The following PLEKHA6 variants were observed in gnomAD, a reference collection of about 807,000 sequenced individuals.
PLEKHA6 encodes pleckstrin homology domain containing A6.
In PLEKHA6, 60 loss-of-function variants were observed where a neutral mutation model predicts 116.7. The observed-to-expected ratio is 0.51, with a 90% CI of 0.42 to 0.64. The LOEUF is 0.64. Among genes scored for constraint, PLEKHA6 ranks in the 30% least tolerant of loss-of-function variants. PLEKHA6 has a pLI of 0.00. For synonymous variants in PLEKHA6, 489 were observed against 556.1 expected (o/e 0.88, Z 1.70); for missense variants, 1,338 against 1,422.7 (o/e 0.94, Z 0.96).
At chr1:204,349,653 G>C (rs918809840) in intron 1 of PLEKHA6, among the ~76,000 whole-genome samples, 4 of 152,118 alleles carry the variant, frequency 2.6e-5, no homozygotes, top group Non-Finnish European at 5.9e-5. Flanking sequence ...CAGAGACCCA[G>C]CTCGAGCCTT....
chr1:204,294,256 G>A (rs1467246378), intron 1 of PLEKHA6, among the ~76,000 whole-genome samples: 3 of 152,106 alleles, frequency 2.0e-5, no homozygotes, highest in Non-Finnish European at 2.9e-5. Context: ...GGGCTGGTTG[G>A]ACATTTCTTC....
chr1:204,249,179 CTCACCT>C lies in PLEKHA6; in HGVS notation c.1673_1674+4del. The C allele has an allele frequency of 6.2e-7, 1 of 1,610,628 alleles. No homozygotes were observed. Among genetic ancestry groups the C allele is most frequent in the East Asian group, 2.2e-5 (1 of 44,778 alleles). On this transcript the variant is annotated splice_donor_variant and splice_donor_region_variant and coding_sequence_variant and intron_variant, in exon 11 of 23. Transcript: ENST00000272203. LOFTEE classifies it high-confidence loss of function. ...CCCAGCTTAAAGCCACCCCCAGCTT[CTCACCT>C]TCTCAGCTCGGAGCTGCTGCACCAG...
intron 1 of PLEKHA6, among the ~76,000 whole-genome samples, chr1:204,288,538 G>A (rs954187976): frequency 6.6e-6 from 1 of 152,218 alleles, no homozygotes; most frequent in African/African-American, 2.4e-5. Context: ...GGATCTGGGG[G>A]AGGGATGATA....
intron 21 of PLEKHA6, among the ~76,000 whole-genome samples, chr1:204,227,548 T>C (rs1660528774): frequency 6.6e-6 from 1 of 152,204 alleles, no homozygotes; most frequent in Non-Finnish European, 1.5e-5. Flanking sequence ...TTCCTCATAG[T>C]TATCTTTTCT....
intron 17 of PLEKHA6, among the ~76,000 whole-genome samples, chr1:204,237,092 C>T (rs1276753187): frequency 6.6e-6 from 1 of 152,126 alleles, no homozygotes; most frequent in Non-Finnish European, 1.5e-5. Flanking sequence ...TCCAGGGGAC[C>T]CAAAACGTTA....
At position 204,228,122 on chromosome 1, in the gene PLEKHA6, G is replaced by A. The variant is rs1236184290; in HGVS notation, c.2992C>T (p.Leu998=). 1.2e-6 allele frequency: 2 copies of A among 1,612,782 alleles called. No individual in the cohort carries two copies. The highest frequency in any genetic ancestry group is 1.7e-6 in the Non-Finnish European group (2 of 1,179,310). The change falls in exon 21 of 23, where the codon CTG becomes TTG. Residue 998 remains leucine, a synonymous_variant. Transcript: ENST00000272203. The surrounding 1 kb of genome is among the most constrained non-coding windows in gnomAD (Gnocchi z 4.0). ...QEKRIEISCA[L]ATEASRRGRM... is the part of the protein sequence containing the mutation. ...CCCCTGCGGGAGGCCTCGGTCGCCA[G>A]GGCGCAGGAGATTTCAATCCGCTTC...
chr1:204,236,508 T>C (rs755783791), intron 17 of PLEKHA6, among the ~76,000 whole-genome samples: 2 of 152,186 alleles, frequency 1.3e-5, no homozygotes, highest in African/African-American at 4.8e-5. Context: ...CTTCTCTGCA[T>C]GTCAGATCTA....
intron 17 of PLEKHA6, among the ~76,000 whole-genome samples, chr1:204,231,183 A>C (rs1202981581): frequency 6.6e-6 from 1 of 152,232 alleles, no homozygotes; most frequent in African/African-American, 2.4e-5. Flanking sequence ...GTAATTGGCT[A>C]ACGGGTAGAG....
At chr1:204,338,696 C>T (rs1412362854) in intron 1 of PLEKHA6, among the ~76,000 whole-genome samples, 1 of 152,014 alleles carries the variant, frequency 6.6e-6, no homozygotes, top group Non-Finnish European at 1.5e-5. Context: ...CTGTGGGCAA[C>T]CAGGGAAGGC....
At chr1:204,319,972 AC>A (rs1671999348) in intron 1 of PLEKHA6, among the ~76,000 whole-genome samples, 1 of 152,128 alleles carries the variant, frequency 6.6e-6, no homozygotes, top group African/African-American at 2.4e-5. Context: ...TCTAATTCTA[AC>A]AGGGACGAGT....
chr1:204,265,050 G>A lies in PLEKHA6; in HGVS notation c.281-8C>T. 6.3e-7 allele frequency: 1 copy of A among 1,599,432 alleles called. No homozygotes were observed. The highest frequency in any genetic ancestry group is 1.4e-5 in the African/African-American group (1 of 73,980). On this transcript the variant is annotated splice_polypyrimidine_tract_variant and splice_region_variant and intron_variant, in intron 5 of 22. Transcript: ENST00000272203. ...TACTCTCTTCCTTCTCATCTGTCAGGGAGAGAGGCACAAGAAGGGTGTGTG... is the reference window on the plus strand; with the variant it reads ...TACTCTCTTCCTTCTCATCTGTCAGAGAGAGAGGCACAAGAAGGGTGTGTG...
intron 15 of PLEKHA6, among the ~76,000 whole-genome samples, chr1:204,244,068 A>G (rs1257826111): frequency 2.6e-5 from 4 of 151,576 alleles, no homozygotes; most frequent in South Asian, 2.1e-4. Context: ...TGATCCACCC[A>G]CCTCAGCCAC....
intron 1 of PLEKHA6, among the ~76,000 whole-genome samples, chr1:204,324,176 C>G (rs991357524): frequency 2.0e-5 from 3 of 152,110 alleles, no homozygotes; most frequent in Non-Finnish European, 2.9e-5. Context: ...CAGGAGCCCT[C>G]TTTGGGGTCC....
chr1:204,362,310 C>T (rs907838037), upstream of PLEKHA6, among the ~76,000 whole-genome samples: 2 of 152,144 alleles, frequency 1.3e-5, no homozygotes, highest in South Asian at 2.1e-4. Flanking sequence ...CGTGAGGTGG[C>T]GTGAGGGAGG....
At position 204,228,349 on chromosome 1, in the gene PLEKHA6, T is replaced by C; in HGVS notation, c.2886-121A>G. The C allele has an allele frequency of 1.0e-6, 1 of 998,594 alleles. No individual in the cohort carries two copies. Among genetic ancestry groups the C allele is most frequent in the East Asian group, 2.5e-5 (1 of 40,660 alleles). 61.9% of individuals were successfully genotyped at this position (998,594 alleles called of 1,614,324 possible). ...GGCCCCGTGAATGTGCAGTCTCTGG[T>C]TCCCAGCAAGGCTGTCCCTAGGAGT... On this transcript the variant is annotated intron_variant, in intron 20 of 22. Coordinates refer to ENST00000272203, the MANE Select transcript of PLEKHA6 (RefSeq NM_014935.5). This position sits in a 1 kb window ranked among gnomAD's most constrained non-coding sequence, Gnocchi z 4.0.
chr1:204,349,015 T>C (rs1673179894), intron 1 of PLEKHA6, among the ~76,000 whole-genome samples: 1 of 152,114 alleles, frequency 6.6e-6, no homozygotes, highest in Non-Finnish European at 1.5e-5. Context: ...GCCCCACCCA[T>C]CCTTCCCGGC....
intron 17 of PLEKHA6, among the ~76,000 whole-genome samples, chr1:204,239,943 C>A (rs920615890): frequency 6.6e-6 from 1 of 152,176 alleles, no homozygotes; most frequent in African/African-American, 2.4e-5. Context: ...GTTCTGCTGG[C>A]CTACGGGTCT....
intron 1 of PLEKHA6, chr1:204,347,255 T>A: frequency 9.7e-7 from 1 of 1,028,876 alleles, no homozygotes; most frequent in Non-Finnish European, 1.5e-6. Context: ...TTTGTATTCG[T>A]CATTTTGGCG....
intron 1 of PLEKHA6, among the ~76,000 whole-genome samples, chr1:204,335,604 C>T (rs1672619945): frequency 6.6e-6 from 1 of 152,040 alleles, no homozygotes; most frequent in South Asian, 2.1e-4. Context: ...CCATGCAGCC[C>T]CCAGCTCCAG....
Sources: gnomAD v4.1 joint callset for allele counts (sites outside exome capture counted in the v4.1 genomes callset) on GRCh38, gnomAD v4.1.1 for gene constraint, Gnocchi (gnomAD v3.1) non-coding constraint, MANE v1.5 for transcripts, NCBI Gene and HGNC (gene_info 2026-07-23, HGNC 2026-07-21) for gene names.